RANBP2: variants seen among roughly 807,000 people sequenced by gnomAD.
RANBP2 encodes RAN binding protein 2, also known as E3 SUMO-protein ligase RanBP2.
A neutral mutation model predicts 303.6 loss-of-function variants in RANBP2; 57 were observed. The ratio of observed to expected loss-of-function variants is 0.19; its 90% confidence interval spans 0.15 to 0.23. RANBP2 has a LOEUF of 0.23. Among genes scored for constraint, RANBP2 ranks in the 10% least tolerant of loss-of-function variants. The pLI is 1.00. For synonymous variants in RANBP2, 1,167 were observed against 1,301.5 expected (o/e 0.90, Z 2.23); for missense variants, 3,138 against 3,780.8 (o/e 0.83, Z 4.46).
the RANBP2 span, among the ~76,000 whole-genome samples, chr2:109,499,073 C>A: frequency 3.9e-5 from 6 of 152,154 alleles, no homozygotes; most frequent in Admixed American, 3.9e-4. Context: ...CCAAAAGGAG[C>A]CTCAGCTGTG....
the RANBP2 span, among the ~76,000 whole-genome samples, chr2:108,809,677 T>A: frequency 6.6e-6 from 1 of 152,178 alleles, no homozygotes; most frequent in Non-Finnish European, 1.5e-5. Context: ...GTATGTTGAT[T>A]TTGTGTCCTT....
the RANBP2 span, among the ~76,000 whole-genome samples, chr2:109,532,045 G>A: frequency 3.3e-5 from 5 of 152,350 alleles, no homozygotes; most frequent in African/African-American, 2.4e-5. Context: ...GGGACCCCAC[G>A]GCACCAGGCC....
the RANBP2 span, among the ~76,000 whole-genome samples, chr2:108,849,625 C>A: frequency 0.027 from 4,083 of 152,192 alleles, 169 homozygotes; most frequent in African/African-American, 0.094. Flanking sequence ...CTAACAGATA[C>A]CCTTTAAAGC....
chr2:109,364,029 T>C, the RANBP2 span, among the ~76,000 whole-genome samples: 3 of 152,288 alleles, frequency 2.0e-5, no homozygotes, highest in South Asian at 6.2e-4. Context: ...TTCTCAGTTA[T>C]TATTGTTTCA....
At chr2:109,288,769 A>T in the RANBP2 span, among the ~76,000 whole-genome samples, 1 of 151,928 alleles carries the variant, frequency 6.6e-6, no homozygotes, top group Admixed American at 6.5e-5. Context: ...CATGGCTGGG[A>T]CAGCAGATGG....
the RANBP2 span, chr2:109,546,321 C>T: frequency 1.2e-6 from 1 of 834,762 alleles, no homozygotes; most frequent in South Asian, 2.2e-5. Context: ...AAAGGCGGAC[C>T]CCATAGCGCA....
chr2:109,072,472 T>C, the RANBP2 span, among the ~76,000 whole-genome samples: 1 of 152,056 alleles, frequency 6.6e-6, no homozygotes, highest in African/African-American at 2.4e-5. Flanking sequence ...AAGGTCCTGG[T>C]TTTCAAGCCT....
chr2:109,599,211 A>C, the RANBP2 span, among the ~76,000 whole-genome samples: 1 of 152,102 alleles, frequency 6.6e-6, no homozygotes, highest in Non-Finnish European at 1.5e-5. Flanking sequence ...TAACCCCAGC[A>C]CTCTGGGAGG....
the RANBP2 span, among the ~76,000 whole-genome samples, chr2:109,106,865 G>A: frequency 3.3e-5 from 5 of 149,528 alleles, no homozygotes; most frequent in Admixed American, 3.3e-4. Flanking sequence ...AGAGAAAAAA[G>A]TAATCCTAAT....
the RANBP2 span, among the ~76,000 whole-genome samples, chr2:109,348,499 C>T: frequency 1.3e-5 from 2 of 152,222 alleles, no homozygotes; most frequent in African/African-American, 4.8e-5. Flanking sequence ...CAAAATAGCA[C>T]TGACAGGTGA....
the RANBP2 span, among the ~76,000 whole-genome samples, chr2:109,628,541 GATTCCCACT>G: frequency 7.3e-6 from 1 of 136,200 alleles, no homozygotes; most frequent in Non-Finnish European, 1.6e-5. Context: ...TAAATAAATA[GATTCCCACT>G]ATTCCCAGTA....
the RANBP2 span, among the ~76,000 whole-genome samples, chr2:109,686,284 A>G: frequency 6.6e-6 from 1 of 152,096 alleles, no homozygotes; most frequent in Non-Finnish European, 1.5e-5. Flanking sequence ...TGGAGCATCA[A>G]GCTCAAATCA....
chr2:108,984,587 A>C, the RANBP2 span, among the ~76,000 whole-genome samples: 2 of 150,588 alleles, frequency 1.3e-5, no homozygotes, highest in South Asian at 2.1e-4. Flanking sequence ...GTCCTGGTTC[A>C]CTCCCTCACT....
chr2:109,199,587 T>TCAACA, the RANBP2 span, among the ~76,000 whole-genome samples: 2 of 978 alleles, frequency 2.0e-3, no homozygotes, highest in Admixed American at 0.013. Context: ...TGGAATGGAA[T>TCAACA]GGAATGGAAT....
chr2:109,473,976 G>C, the RANBP2 span, among the ~76,000 whole-genome samples: 2 of 152,182 alleles, frequency 1.3e-5, no homozygotes, highest in African/African-American at 4.8e-5. Flanking sequence ...ACTCTGTCCT[G>C]GAAGGTGCTG....
the RANBP2 span, among the ~76,000 whole-genome samples, chr2:108,822,882 G>A: frequency 6.6e-6 from 1 of 152,060 alleles, no homozygotes; most frequent in Non-Finnish European, 1.5e-5. Context: ...TTCTTTGAAA[G>A]TATCAACAAA....
the RANBP2 span, among the ~76,000 whole-genome samples, chr2:109,743,337 T>C: frequency 6.7e-6 from 1 of 149,162 alleles, no homozygotes; most frequent in South Asian, 2.2e-4. Flanking sequence ...AATGTATCAA[T>C]GACTTCAATG....
At chr2:109,326,691 A>C in the RANBP2 span, among the ~76,000 whole-genome samples, 1 of 152,224 alleles carries the variant, frequency 6.6e-6, no homozygotes, top group Non-Finnish European at 1.5e-5. Flanking sequence ...TTCTTGAAAG[A>C]TCTATCTGTT....
At chr2:109,679,445 A>G in the RANBP2 span, among the ~76,000 whole-genome samples, 1 of 152,232 alleles carries the variant, frequency 6.6e-6, no homozygotes, top group Non-Finnish European at 1.5e-5. Flanking sequence ...GTGTACATAT[A>G]TGGCATTGTC....
Sources: allele counts gnomAD v4.1 joint callset (sites outside exome capture counted in the v4.1 genomes callset), GRCh38; gene constraint gnomAD v4.1.1; transcripts MANE v1.5; gene names NCBI Gene and HGNC (gene_info 2026-07-23, HGNC 2026-07-21).